ABCC6: variants seen among roughly 807,000 people sequenced by gnomAD.
The protein encoded by ABCC6 is ATP-binding cassette sub-family C member 6.
A neutral mutation model predicts 169.5 loss-of-function variants in ABCC6; 126 were observed. That is an observed-to-expected ratio of 0.74 (90% CI 0.64 to 0.86). The LOEUF (loss-of-function observed/expected upper bound fraction) is 0.86. ABCC6 is among the 40% of genes least tolerant of loss of function. The pLI, the probability that ABCC6 is intolerant of heterozygous loss-of-function variation, is 0.00. For missense variants in ABCC6, 1,733 were observed against 1,927.2 expected (o/e 0.90, Z 1.89); for synonymous variants, 752 against 814.7 (o/e 0.92, Z 1.31).
chr16:16,163,111 T>C lies in ABCC6; in HGVS notation c.3388A>G (p.Thr1130Ala). Residue 1130 changes from threonine (T) to alanine (A), a missense_variant, in exon 24 of 31, where the codon ACG (threonine) becomes GCG (alanine). By Grantham distance (58) the Thr-to-Ala change is moderately conservative (BLOSUM62 0). Around this residue, in one of 5 missense-constraint regions of ABCC6, gnomAD observed 1,601 missense variants for 1,635.5 expected, o/e 0.98. Transcript: ENST00000205557. ...CGGACCACTGTGCTGCCCTGGAACG[T>C]CTCAGCCATGTGGGAGCAGACAGAC... ...YSSVCSHMAE[T>A]FQGSTVVRAF... is the part of the protein sequence containing the mutation. 2 of 1,613,830 alleles carry C rather than the reference T, an allele frequency of 1.2e-6. No individual in the cohort carries two copies. The highest frequency in any genetic ancestry group is 1.7e-6 in the Non-Finnish European group (2 of 1,180,030).
chr16:16,223,209 A>G, intron 1 of ABCC6, 190 bp downstream of exon 1: 1 of 622,040 alleles, frequency 1.6e-6, no homozygotes, highest in Non-Finnish European at 2.8e-6. Context: ...CCTTAAATAG[A>G]GCTGGGCTCT....
intron 11 of ABCC6, among the ~76,000 whole-genome samples, chr16:16,192,148 G>C (rs1172929112): frequency 6.6e-6 from 1 of 152,180 alleles, no homozygotes; most frequent in Non-Finnish European, 1.5e-5. Context: ...GAGGATCTTC[G>C]GGAGTGAGGG....
Position 16,149,958 on chromosome 16 carries a change from C to T in ABCC6, c.*175G>A, listed in dbSNP as rs1435990489. On this transcript the variant is annotated 3_prime_UTR_variant, in exon 31 of 31. Transcript: ENST00000205557. ...AGACCTGTGTATTGCTAGGTCCTTC[C>T]GGCTCTGATGCTCTGTGATAATTGG... The T allele has an allele frequency of 1.5e-5, 15 of 990,610 alleles. No homozygotes were observed. The highest frequency in any genetic ancestry group is 5.8e-5 in the South Asian group (4 of 69,388). 61.4% of individuals were successfully genotyped at this position (990,610 alleles called of 1,614,324 possible).
chr16:16,175,817 G>C (rs1596641501), intron 20 of ABCC6, 94 bp downstream of exon 20: 1 of 1,408,140 alleles, frequency 7.1e-7, no homozygotes, highest in African/African-American at 1.4e-5. Flanking sequence ...AATGGTTTTG[G>C]TTGCCCGCCT....
chr16:16,221,853 C>T (rs1193935858), intron 1 of ABCC6, 22 bp from the exon 2 acceptor site: 4 of 1,612,502 alleles, frequency 2.5e-6, no homozygotes, highest in East Asian at 2.2e-5. Flanking sequence ...CAAAGAGGAC[C>T]CTTAGGATGG....
chr16:16,196,963 A>AT (rs1240313449), intron 10 of ABCC6, among the ~76,000 whole-genome samples: 1 of 152,116 alleles, frequency 6.6e-6, no homozygotes, highest in Non-Finnish European at 1.5e-5. Context: ...AATTGCTGAG[A>AT]TTATAGGCAT....
intron 22 of ABCC6, among the ~76,000 whole-genome samples, 160 bp downstream of exon 22, chr16:16,169,486 C>T (rs970468783): frequency 1.3e-5 from 2 of 152,144 alleles, no homozygotes; most frequent in Non-Finnish European, 2.9e-5. Flanking sequence ...CCGTTCCCTC[C>T]AGCCTCATCT....
In ABCC6 at chr16:16,217,285, T is replaced by C. The variant is rs1050989751; in HGVS notation, c.474+2269A>G. ...AACTCCCACTGTTTTCCCCACTGTT[T>C]CTCTCAGAAAGTTTGTTCTGAATTT... On this transcript the variant is annotated intron_variant, in intron 4 of 30. Transcript: ENST00000205557. 3.9e-5 allele frequency among the ~76,000 whole-genome samples: 6 copies of C among 152,134 alleles called. 1 individual carries two copies. The highest frequency in any genetic ancestry group is 1.3e-4 in the Admixed American group (2 of 15,276).
intron 10 of ABCC6, among the ~76,000 whole-genome samples, chr16:16,194,072 G>A (rs1596690734): frequency 1.3e-5 from 2 of 152,320 alleles, no homozygotes; most frequent in East Asian, 3.9e-4. Flanking sequence ...GGTGTTCCCA[G>A]CCACAACAGT....
intron 13 of ABCC6, 144 bp downstream of exon 13, chr16:16,188,687 C>G: frequency 4.2e-6 from 5 of 1,201,946 alleles, no homozygotes; most frequent in Non-Finnish European, 6.0e-6. Context: ...TTGCCCCTAC[C>G]CGCCTCTTTT....
intron 9 of ABCC6, among the ~76,000 whole-genome samples, chr16:16,200,107 GC>G (rs1214830395): frequency 1.3e-5 from 2 of 151,546 alleles, no homozygotes; most frequent in Non-Finnish European, 2.9e-5. Context: ...TAAAACTCAT[GC>G]TTTAATGGCA....
In ABCC6 at chr16:16,177,550, A is replaced by G. The variant is rs370039769; in HGVS notation, c.2492T>C (p.Ile831Thr). The change falls in exon 19 of 31, where the codon ATC becomes ACC. Residue 831 changes from isoleucine (I) to threonine (T), a missense_variant. This residue lies in a region of ABCC6 where 1,601 missense variants were observed against 1,635.5 expected (regional missense o/e 0.98). Transcript: ENST00000205557. ...CTCCTGGTAGGAACCCATCTCTGCG[A>G]TGGCCCCATTTGCCAGCACTATGAT... The part of the protein sequence containing the change: ...DWIIVLANGA[I>T]AEMGSYQELL... The G allele has an allele frequency of 6.2e-7, 1 of 1,614,230 alleles. No individual in the cohort carries two copies. Among genetic ancestry groups the G allele is most frequent in the Non-Finnish European group, 8.5e-7 (1 of 1,180,042 alleles).
At chr16:16,188,267 C>T (rs986193896) in intron 13 of ABCC6, among the ~76,000 whole-genome samples, 1 of 151,642 alleles carries the variant, frequency 6.6e-6, no homozygotes, top group Admixed American at 6.6e-5. Flanking sequence ...TTGTGCATGC[C>T]TGTGGTCCCA....
At chr16:16,207,187 GA>G (rs1174495819) in intron 7 of ABCC6, among the ~76,000 whole-genome samples, 3 of 152,142 alleles carry the variant, frequency 2.0e-5, no homozygotes, top group African/African-American at 4.8e-5. Context: ...ATTCTGTTTG[GA>G]AAAACACATG....
intron 10 of ABCC6, among the ~76,000 whole-genome samples, chr16:16,193,138 G>A (rs901321327): frequency 6.6e-6 from 1 of 152,182 alleles, no homozygotes; most frequent in Non-Finnish European, 1.5e-5. Context: ...GATAAAACAG[G>A]TTGCAGTAAA....
At chr16:16,185,216 T>A (rs1457966772) in intron 14 of ABCC6, among the ~76,000 whole-genome samples, 182 bp from the exon 15 acceptor site, 1 of 152,212 alleles carries the variant, frequency 6.6e-6, no homozygotes, top group Non-Finnish European at 1.5e-5. Context: ...GGGTTCTTGT[T>A]CTGTCCGTGT....
At chr16:16,179,288 C>T (rs1422976825) in intron 17 of ABCC6, among the ~76,000 whole-genome samples, 1 of 152,246 alleles carries the variant, frequency 6.6e-6, no homozygotes, top group African/African-American at 2.4e-5. Flanking sequence ...ACTGAGACCA[C>T]CATCCATTTC....
intron 6 of ABCC6, among the ~76,000 whole-genome samples, chr16:16,211,514 T>C (rs1352883774): frequency 2.0e-5 from 3 of 152,238 alleles, no homozygotes; most frequent in African/African-American, 4.8e-5. Flanking sequence ...TAAGTGCTAC[T>C]ATCAATCCCA....
chr16:16,190,039 T>G, intron 12 of ABCC6, 125 bp downstream of exon 12: 1 of 986,576 alleles, frequency 1.0e-6, no homozygotes, highest in Non-Finnish European at 1.6e-6. Flanking sequence ...GAGAACAGGA[T>G]CCAGAATGAG....
Sources: allele counts gnomAD v4.1 joint callset (sites outside exome capture counted in the v4.1 genomes callset), GRCh38; gene constraint gnomAD v4.1.1; regional missense constraint gnomAD v4.1.1; transcripts MANE v1.5; gene names NCBI Gene and HGNC (gene_info 2026-07-23, HGNC 2026-07-21).